Variants in SLC45A4 observed in about 807,000 individuals in gnomAD.
SLC45A4 encodes polyamine-transporter SLC45A4.
Under a neutral mutation model 63.7 loss-of-function variants are expected in SLC45A4, and 32 were observed. The observed-to-expected ratio is 0.50, with a 90% CI of 0.38 to 0.67. SLC45A4 has a LOEUF of 0.67. Among genes scored for constraint, SLC45A4 ranks in the 30% least tolerant of loss-of-function variants. The pLI is 0.00. For synonymous variants in SLC45A4, 535 were observed against 510.0 expected, an observed-to-expected ratio of 1.05 and a Z score of -0.66; for missense variants, 1,027 against 1,157.7, an observed-to-expected ratio of 0.89 and a Z score of 1.64.
At chr8:141,239,071 C>T (rs1463425362) in intron 2 of SLC45A4, among the ~76,000 whole-genome samples, 2 of 152,240 alleles carry the variant, frequency 1.3e-5, no homozygotes, top group Non-Finnish European at 2.9e-5. Flanking sequence ...GCCAGGGCTG[C>T]TGCCTGGGCC....
At chr8:141,270,253 G>A (rs114237469) in intron 1 of SLC45A4, among the ~76,000 whole-genome samples, 2 of 151,958 alleles carry the variant, frequency 1.3e-5, no homozygotes, top group Non-Finnish European at 2.9e-5. Flanking sequence ...AAACCAGGGG[G>A]CGGTGGCTCA....
chr8:141,268,754 C>T (rs930248166), intron 1 of SLC45A4, among the ~76,000 whole-genome samples: 6 of 152,198 alleles, frequency 3.9e-5, no homozygotes, highest in Admixed American at 6.5e-5. Context: ...GGCATCCATG[C>T]TGACTGCCGC....
rs377074504 is a variant in SLC45A4 at position 141,218,747 on chromosome 8, G to A, written c.893C>T (p.Pro298Leu). ...TTTGCTGCGCATGATGTCCACGTCC[G>A]GGTAGTCCAGGGCCAGCTCGTGCTC... ...QSEHELALDY[P>L]DVDIMRSKSD... Residue 298 changes from proline (P) to leucine (L), a missense_variant, in exon 5 of 9, where the codon CCG becomes CTG. Physicochemically the swap from Pro to Leu is moderately conservative, Grantham distance 98. Transcript: ENST00000517878. 5.0e-6 allele frequency: 8 copies of A among 1,612,442 alleles called. No homozygotes were observed. The Admixed American group carries it at 5.0e-5, about 10-fold the overall frequency.
chr8:141,289,705 G>A (rs1158600338), intron 1 of SLC45A4, among the ~76,000 whole-genome samples: 1 of 152,120 alleles, frequency 6.6e-6, no homozygotes, highest in Non-Finnish European at 1.5e-5. Context: ...GGGGTCCCCT[G>A]CGGCTGTGGC....
At position 141,219,562 on chromosome 8, in the gene SLC45A4, C is replaced by T. The variant is rs867517649; in HGVS notation, c.610+88G>A. 19 of 1,435,974 alleles carry T rather than the reference C, an allele frequency of 1.3e-5. No homozygotes were observed. The Middle Eastern group carries it at 1.1e-3, about 85-fold the overall frequency. 89.0% of individuals were successfully genotyped at this position (1,435,974 alleles called of 1,614,324 possible). On this transcript the variant is annotated intron_variant, in intron 4 of 8. Transcript: ENST00000517878. ...CCCTCCATGCAGCCTGATGAGGCAGCGCTGACAACACAGGCTCCTGTCCCC... is the reference window on the plus strand; with the variant it reads ...CCCTCCATGCAGCCTGATGAGGCAGTGCTGACAACACAGGCTCCTGTCCCC...
chr8:141,260,152 C>A (rs935357846), intron 1 of SLC45A4, among the ~76,000 whole-genome samples: 7 of 152,176 alleles, frequency 4.6e-5, no homozygotes, highest in African/African-American at 1.7e-4. Flanking sequence ...ACACAGGTGA[C>A]CTCACTGGCA....
At chr8:141,285,324 C>T (rs1339451761) in intron 1 of SLC45A4, among the ~76,000 whole-genome samples, 1 of 152,266 alleles carries the variant, frequency 6.6e-6, no homozygotes, top group Non-Finnish European at 1.5e-5. Context: ...ATTCCTCGGC[C>T]TGCGCCATGA....
intron 7 of SLC45A4, among the ~76,000 whole-genome samples, chr8:141,214,252 G>T (rs1202765002): frequency 6.6e-6 from 1 of 151,296 alleles, no homozygotes; most frequent in Non-Finnish European, 1.5e-5. Flanking sequence ...CCCCTGTTGA[G>T]TTTGAAAGAG....
rs1828695269 is a variant in SLC45A4, at chr8:141,254,871, C to T, written c.-400-242G>A. The T allele has an allele frequency of 2.4e-6, 1 of 417,448 alleles. No homozygotes were observed. The highest frequency in any genetic ancestry group is 2.0e-5 in the African/African-American group (1 of 49,150). 25.9% of individuals were successfully genotyped at this position (417,448 alleles called of 1,614,324 possible). Reference sequence around the variant, plus strand: ...ACAAAGGTGGGGCAATCAAGGAAAGCAGGATCAAAGAACAGACAGAGAAAA... The same window carrying T: ...ACAAAGGTGGGGCAATCAAGGAAAGTAGGATCAAAGAACAGACAGAGAAAA... On this transcript the variant is annotated intron_variant, in intron 1 of 8. Coordinates refer to ENST00000517878, the MANE Select transcript of SLC45A4 (RefSeq NM_001286646.2). The surrounding 1 kb of genome is among the most constrained non-coding windows in gnomAD (Gnocchi z 4.5).
intron 1 of SLC45A4, among the ~76,000 whole-genome samples, chr8:141,288,756 G>A (rs1055663245): frequency 6.6e-5 from 10 of 152,368 alleles, no homozygotes; most frequent in East Asian, 1.9e-4. Flanking sequence ...GGGCACTCAC[G>A]GAGGGTGCCG....
At chr8:141,261,075 G>A (rs1266398250) in intron 1 of SLC45A4, among the ~76,000 whole-genome samples, 4 of 152,134 alleles carry the variant, frequency 2.6e-5, no homozygotes, top group East Asian at 1.9e-4. Context: ...TTCAACACTC[G>A]CAAATCAATA....
chr8:141,302,349 C>CCACTCA (rs958836279), intron 1 of SLC45A4, among the ~76,000 whole-genome samples: 4 of 151,542 alleles, frequency 2.6e-5, no homozygotes, highest in African/African-American at 9.8e-5. Context: ...AACCTCCACG[C>CCACTCA]CACTCACCAT....
chr8:141,281,211 C>T (rs927346169), intron 1 of SLC45A4, among the ~76,000 whole-genome samples: 5 of 152,024 alleles, frequency 3.3e-5, no homozygotes, highest in African/African-American at 4.8e-5. Context: ...TGGTGGCAGG[C>T]GCCTGTAATC....
chr8:141,275,249 C>T (rs1418293650), intron 1 of SLC45A4, among the ~76,000 whole-genome samples: 1 of 152,170 alleles, frequency 6.6e-6, no homozygotes. Flanking sequence ...CAAGCGTTTT[C>T]TTGGGATTAT....
intron 2 of SLC45A4, among the ~76,000 whole-genome samples, chr8:141,243,587 G>A (rs1828018139): frequency 6.6e-6 from 1 of 152,162 alleles, no homozygotes; most frequent in African/African-American, 2.4e-5. Flanking sequence ...CAAGGCTGCA[G>A]TGAGCCGTAA....
rs548016481 is a variant in SLC45A4 at position 141,232,173 on chromosome 8, G to A, written c.242-10408C>T. 2.0e-5 allele frequency among the ~76,000 whole-genome samples: 3 copies of A among 152,362 alleles called. No individual in the cohort carries two copies. The South Asian group carries it at 6.2e-4, about 32-fold the overall frequency. The stretch of plus-strand genomic sequence containing the variant: ...TAAGCTCATACAGATGCTAGGGACT[G>A]GAGGGGGCGGGGGAACCCCCCTCAG... On this transcript the variant is annotated intron_variant, in intron 2 of 8. Coordinates refer to ENST00000517878, the MANE Select transcript of SLC45A4 (RefSeq NM_001286646.2).
rs568367118 is a variant in SLC45A4 at position 141,229,699 on chromosome 8, G to A, written c.242-7934C>T. ...GGTGGGCCCTGACAACAGACCCACT[G>A]GGTGATGAGCCTGACTTCCCTACCT... On this transcript the variant is annotated intron_variant, in intron 2 of 8. Coordinates refer to ENST00000517878, the MANE Select transcript of SLC45A4 (RefSeq NM_001286646.2). The surrounding 1 kb of genome is among the most constrained non-coding windows in gnomAD (Gnocchi z 5.0). 2.0e-5 allele frequency among the ~76,000 whole-genome samples: 3 copies of A among 152,262 alleles called. No homozygotes were observed. The East Asian group carries it at 5.8e-4, about 29-fold the overall frequency.
chr8:141,295,330 C>T (rs1346225014), intron 1 of SLC45A4, among the ~76,000 whole-genome samples: 1 of 152,170 alleles, frequency 6.6e-6, no homozygotes, highest in African/African-American at 2.4e-5. Flanking sequence ...TGCAGGACCT[C>T]CCAGTCCTGG....
intron 5 of SLC45A4, among the ~76,000 whole-genome samples, chr8:141,217,767 C>T (rs1225504683): frequency 1.3e-5 from 2 of 152,238 alleles, no homozygotes; most frequent in African/African-American, 2.4e-5. Flanking sequence ...TCAGCATTCA[C>T]GACTGCTCAC....
Sources: gnomAD v4.1 joint callset for allele counts (sites outside exome capture counted in the v4.1 genomes callset) on GRCh38, gnomAD v4.1.1 for gene constraint, Gnocchi (gnomAD v3.1) non-coding constraint, MANE v1.5 for transcripts, NCBI Gene and HGNC (gene_info 2026-07-23, HGNC 2026-07-21) for gene names.